PIAS1: variants seen among roughly 807,000 people sequenced by gnomAD.
PIAS1 encodes the protein protein inhibitor of activated STAT 1, also known as E3 SUMO-protein ligase PIAS1.
PIAS1 carries 6 observed loss-of-function variants against 71.3 expected under a neutral mutation model. That is an observed-to-expected ratio of 0.08 (90% confidence interval 0.05 to 0.17). PIAS1 has a LOEUF of 0.17. PIAS1 is among the 10% of genes least tolerant of loss of function. The pLI, the probability that PIAS1 is intolerant of heterozygous loss-of-function variation, is 1.00. For synonymous variants in PIAS1, 303 were observed against 292.9 expected (o/e 1.03, Z -0.35); for missense variants, 555 against 793.6 (o/e 0.70, Z 3.61).
In PIAS1 at chr15:68,173,567, G is replaced by A. The variant is rs184529901; in HGVS notation, c.1009-165G>A. 2.0e-3 allele frequency among the ~76,000 whole-genome samples: 297 copies of A among 152,186 alleles called. 1 individual carries two copies. The highest frequency in any genetic ancestry group is 6.9e-3 in the African/African-American group (288 of 41,518). On this transcript the variant is annotated intron_variant, in intron 8 of 13. Coordinates refer to ENST00000249636, the MANE Select transcript of PIAS1 (RefSeq NM_016166.3). This position sits in a 1 kb window ranked among gnomAD's most constrained non-coding sequence, Gnocchi z 4.3. ...GAAATACTGTCATTTTTTAACCTAT[G>A]GATATTTCACAGGAAATGTGTTTAA...
At chr15:68,097,910 C>T (rs183048423) in intron 2 of PIAS1, among the ~76,000 whole-genome samples, 2 of 152,286 alleles carry the variant, frequency 1.3e-5, no homozygotes, top group East Asian at 3.9e-4. Context: ...GAGTAAATAA[C>T]ATTTTCCACT....
intron 2 of PIAS1, among the ~76,000 whole-genome samples, chr15:68,118,571 G>A (rs1021173454): frequency 6.6e-6 from 1 of 150,806 alleles, no homozygotes; most frequent in East Asian, 1.9e-4. Context: ...CTAACTCCTC[G>A]CCTCAAGCGA....
At position 68,167,516 on chromosome 15, in the gene PIAS1, A is replaced by G. The variant is rs1314914140; in HGVS notation, c.1008+2712A>G. Among the ~76,000 whole-genome samples, 1 of 152,174 alleles carries G rather than the reference A, an allele frequency of 6.6e-6. No individual in the cohort carries two copies. Among genetic ancestry groups the G allele is most frequent in the Non-Finnish European group, 1.5e-5 (1 of 68,018 alleles). On this transcript the variant is annotated intron_variant, in intron 8 of 13. Coordinates refer to ENST00000249636, the MANE Select transcript of PIAS1 (RefSeq NM_016166.3). The surrounding 1 kb of genome is among the most constrained non-coding windows in gnomAD (Gnocchi z 4.4). ...AGCTAAAGGCAACAAAAATAATTAA[A>G]AATGTTTTTACTCTTTGGGAATTTT...
chr15:68,180,617 C>CATTG (rs34470279), intron 11 of PIAS1, among the ~76,000 whole-genome samples: 3 of 28,862 alleles, frequency 1.0e-4, no homozygotes, highest in African/African-American at 7.4e-4. Context: ...TGTTTCACTA[C>CATTG]ATTAGATTCA....
chr15:68,172,458 G>C (rs1198902975), intron 8 of PIAS1, among the ~76,000 whole-genome samples: 1 of 152,100 alleles, frequency 6.6e-6, no homozygotes, highest in Admixed American at 6.5e-5. Context: ...TGGGTCAAAT[G>C]GTATTTCTAG....
chr15:68,154,212 G>T (rs961912407), intron 7 of PIAS1, among the ~76,000 whole-genome samples: 6 of 152,140 alleles, frequency 3.9e-5, no homozygotes, highest in Non-Finnish European at 8.8e-5. Context: ...TAATGCTTCT[G>T]CGAAGTCTGG....
chr15:68,074,135 GA>G (rs2092131013), intron 1 of PIAS1, among the ~76,000 whole-genome samples: 1 of 152,142 alleles, frequency 6.6e-6, no homozygotes, highest in Admixed American at 6.6e-5. Flanking sequence ...TGGAGTTTAG[GA>G]GACCAAGGTT....
intron 11 of PIAS1, among the ~76,000 whole-genome samples, chr15:68,180,685 A>C (rs1397461160): frequency 2.0e-5 from 3 of 152,150 alleles, no homozygotes; most frequent in Admixed American, 1.3e-4. Flanking sequence ...GGTATACTAA[A>C]CAATACCCAG....
chr15:68,081,303 T>C (rs997581462), intron 1 of PIAS1, among the ~76,000 whole-genome samples: 2 of 152,196 alleles, frequency 1.3e-5, no homozygotes, highest in African/African-American at 4.8e-5. Context: ...TGTTCCTCTC[T>C]GTCAAAAGTG....
chr15:68,067,844 C>T (rs137995592), intron 1 of PIAS1, among the ~76,000 whole-genome samples: 203 of 152,268 alleles, frequency 1.3e-3, no homozygotes, highest in African/African-American at 4.6e-3. Flanking sequence ...TTCCTTTGTG[C>T]ACCCTCATCC....
intron 12 of PIAS1, among the ~76,000 whole-genome samples, chr15:68,182,981 A>G (rs756973778): frequency 9.8e-5 from 15 of 152,312 alleles, no homozygotes; most frequent in Non-Finnish European, 2.1e-4. Flanking sequence ...CTTGCTCTTC[A>G]TCGCATTACA....
Position 68,173,600 on chromosome 15 carries a change from C to T in PIAS1, c.1009-132C>T. On this transcript the variant is annotated intron_variant, in intron 8 of 13. Transcript: ENST00000249636. The surrounding 1 kb of genome is among the most constrained non-coding windows in gnomAD (Gnocchi z 4.3). The stretch of plus-strand genomic sequence containing the variant: ...CACAGGAAATGTGTTTAATGTTCTT[C>T]TACATTGATGAAAAGTCAACACTGT... The T allele has an allele frequency of 2.1e-6, 1 of 482,658 alleles. No individual in the cohort carries two copies. The highest frequency in any genetic ancestry group is 3.6e-6 in the Non-Finnish European group (1 of 278,152). 29.9% of individuals were successfully genotyped at this position (482,658 alleles called of 1,614,324 possible). A position where few individuals can be genotyped will look rare whatever the true frequency, so the allele number is the denominator to read the frequency against.
chr15:68,080,596 A>G (rs181706150), intron 1 of PIAS1, among the ~76,000 whole-genome samples: 1 of 152,340 alleles, frequency 6.6e-6, no homozygotes, highest in Admixed American at 6.5e-5. Flanking sequence ...CTTATTAACA[A>G]TTTGTAATGA....
At chr15:68,156,729 G>A (rs12439325) in intron 7 of PIAS1, among the ~76,000 whole-genome samples, 39,197 of 126,934 alleles carry the variant, frequency 0.31, 7,606 homozygotes, top group East Asian at 0.74. Context: ...AAAAAAAAAA[G>A]AGAGAGAGAG....
chr15:68,091,166 A>G (rs976497730), intron 2 of PIAS1, among the ~76,000 whole-genome samples: 16 of 152,302 alleles, frequency 1.1e-4, no homozygotes, highest in African/African-American at 3.1e-4. Context: ...TGAAATTTAC[A>G]TAATTATGAA....
chr15:68,129,324 AC>A (rs1218302163), intron 2 of PIAS1, among the ~76,000 whole-genome samples: 1 of 151,996 alleles, frequency 6.6e-6, no homozygotes, highest in African/African-American at 2.4e-5. Flanking sequence ...TGCCTCAGCC[AC>A]CCAAAGCACT....
intron 1 of PIAS1, among the ~76,000 whole-genome samples, chr15:68,070,280 A>G (rs984363077): frequency 6.6e-6 from 1 of 152,256 alleles, no homozygotes; most frequent in Non-Finnish European, 1.5e-5. Flanking sequence ...TTTAGGGGCT[A>G]ATGGATAGGG....
At chr15:68,162,859 CA>C (rs1439906000) in intron 7 of PIAS1, among the ~76,000 whole-genome samples, 2 of 152,150 alleles carry the variant, frequency 1.3e-5, no homozygotes, top group African/African-American at 4.8e-5. Flanking sequence ...CACAGAAGTC[CA>C]AAGGCAGGAG....
At chr15:68,183,407 A>C (rs2093068299) in intron 12 of PIAS1, among the ~76,000 whole-genome samples, 1 of 152,200 alleles carries the variant, frequency 6.6e-6, no homozygotes, top group Admixed American at 6.5e-5. Context: ...CCAGTCCCCC[A>C]AATGGGGTCA....
Sources: gnomAD v4.1 joint callset for allele counts (sites outside exome capture counted in the v4.1 genomes callset) on GRCh38, gnomAD v4.1.1 for gene constraint, Gnocchi (gnomAD v3.1) non-coding constraint, MANE v1.5 for transcripts, NCBI Gene and HGNC (gene_info 2026-07-23, HGNC 2026-07-21) for gene names.